Variants in HMMR observed in about 807,000 individuals in gnomAD.
The protein encoded by HMMR is hyaluronan mediated motility receptor, also known as intracellular hyaluronic acid-binding protein.
In HMMR, 108 loss-of-function variants were observed where a neutral mutation model predicts 101.0. That is an observed-to-expected ratio of 1.07 (90% CI 0.92 to 1.25). The LOEUF (loss-of-function observed/expected upper bound fraction) is 1.25. Among genes scored for constraint, HMMR ranks in the 50% most tolerant of loss-of-function variants. The pLI, the probability that HMMR is intolerant of heterozygous loss-of-function variation, is 0.00. For synonymous variants in HMMR, 296 were observed against 276.4 expected, an observed-to-expected ratio of 1.07 and a Z score of -0.70; for missense variants, 813 against 788.7, an observed-to-expected ratio of 1.03 and a Z score of -0.37.
intron 10 of HMMR, among the ~76,000 whole-genome samples, chr5:163,475,017 A>T (rs976725572): frequency 2.0e-5 from 3 of 152,096 alleles, no homozygotes; most frequent in South Asian, 2.1e-4. Flanking sequence ...TAGGGGGGGA[A>T]GTCGTCAAAG....
At chr5:163,462,284 G>A (rs924513537) in intron 1 of HMMR, among the ~76,000 whole-genome samples, 2 of 151,188 alleles carry the variant, frequency 1.3e-5, no homozygotes, top group Admixed American at 1.3e-4. Flanking sequence ...TTAATTTGAT[G>A]CTTAATGTGT....
intron 11 of HMMR, among the ~76,000 whole-genome samples, chr5:163,476,043 T>G (rs183345417): frequency 1.9e-3 from 296 of 152,270 alleles, no homozygotes; most frequent in African/African-American, 6.7e-3. Context: ...CTGGATGTGG[T>G]GGCTGATGCC....
At position 163,467,886 on chromosome 5, in the gene HMMR, A is replaced by T. The variant is rs1324719023; in HGVS notation, c.273+138A>T. On this transcript the variant is annotated intron_variant, in intron 4 of 17. Transcript: ENST00000393915. ...TGCCATCCAGAACAGTGCCTACAGG[A>T]AAACAGTTCTTACAGTATTTCACAG... The T allele has an allele frequency of 1.2e-5, 7 of 577,480 alleles. No individual in the cohort carries two copies. In the East Asian group the frequency reaches 2.4e-4, roughly 20 times the overall value. 35.8% of individuals were successfully genotyped at this position (577,480 alleles called of 1,614,324 possible). A position where few individuals can be genotyped will look rare whatever the true frequency, so the allele number is the denominator to read the frequency against.
chr5:163,480,623 G>A (rs1161307957), intron 12 of HMMR, among the ~76,000 whole-genome samples: 1 of 148,486 alleles, frequency 6.7e-6, no homozygotes, highest in East Asian at 2.0e-4. Flanking sequence ...GTGGGAGTAA[G>A]AATCTACACT....
chr5:163,469,146 C>T (rs924361366), intron 4 of HMMR, among the ~76,000 whole-genome samples: 3 of 151,858 alleles, frequency 2.0e-5, no homozygotes, highest in Admixed American at 6.6e-5. Context: ...GGGTGGATCA[C>T]GAGGTCAGGA....
Position 163,483,030 on chromosome 5 carries a change from G to T in HMMR, c.1543G>T (p.Asp515Tyr), listed in dbSNP as rs758062677. Residue 515 changes from aspartate (D) to tyrosine (Y), a missense_variant, in exon 14 of 18, where the codon GAT becomes TAT. Coordinates refer to ENST00000393915, the MANE Select transcript of HMMR (RefSeq NM_001142556.2). ...TCTCTCAAACCAAAGGATGCTTCTA[G>T]ATCTGCAGACCAAGTCAGCACTAAA... is the stretch of plus-strand genomic sequence containing the variant. Reference protein sequence around the residue: ...SNQEYVRMLLDLQTKSALKET... With the variant: ...SNQEYVRMLLYLQTKSALKET... 8 of 1,600,482 alleles carry T rather than the reference G, an allele frequency of 5.0e-6. No individual in the cohort carries two copies. The highest frequency in any genetic ancestry group is 5.1e-6 in the Non-Finnish European group (6 of 1,176,020).
chr5:163,476,426 A>G (rs557412853), intron 11 of HMMR, among the ~76,000 whole-genome samples: 3 of 152,188 alleles, frequency 2.0e-5, no homozygotes, highest in Non-Finnish European at 4.4e-5. Flanking sequence ...TGTAAGTTAT[A>G]CCTTTAATTA....
At chr5:163,478,574 G>T (rs13183712) in intron 11 of HMMR, 110 bp from the exon 12 acceptor site, 153,251 of 699,182 alleles carry the variant, frequency 0.22, 18,825 homozygotes, top group South Asian at 0.39. Flanking sequence ...GTAATGCAGT[G>T]GTGAAGATAT....
chr5:163,466,566 A>C (rs1758714892), intron 3 of HMMR, among the ~76,000 whole-genome samples: 1 of 152,188 alleles, frequency 6.6e-6, no homozygotes, highest in African/African-American at 2.4e-5. Context: ...TTTTGGAACA[A>C]CTTGAGTATG....
Position 163,473,211 on chromosome 5 carries a change from A to T in HMMR, c.683A>T (p.Lys228Ile). 2 of 1,571,530 alleles carry T rather than the reference A, an allele frequency of 1.3e-6. No homozygotes were observed. Among genetic ancestry groups the T allele is most frequent in the Non-Finnish European group, 8.7e-7 (1 of 1,143,744 alleles). Residue 228 changes from lysine (K) to isoleucine (I), a missense_variant, in exon 8 of 18, where the codon AAA (lysine) becomes ATA (isoleucine). Coordinates refer to ENST00000393915, the MANE Select transcript of HMMR (RefSeq NM_001142556.2). ...VSIEKEKIDE[K>I]SETEKLLEYI... Reference sequence around the variant, plus strand: ...ATAGAGAAAGAAAAGATTGATGAAAAATCTGAAACAGAAAAACTCTTGGAA... The same window carrying T: ...ATAGAGAAAGAAAAGATTGATGAAATATCTGAAACAGAAAAACTCTTGGAA...
intron 9 of HMMR, 74 bp downstream of exon 9, chr5:163,473,631 T>C: frequency 1.2e-6 from 1 of 850,310 alleles, no homozygotes; most frequent in Non-Finnish European, 1.8e-6. Context: ...ACTACTATGC[T>C]AAAACAACCT....
rs1460949138 is a variant in HMMR at position 163,490,437 on chromosome 5, G to T, written c.2010G>T (p.Glu670Asp). Residue 670 changes from glutamate to aspartate, a missense_variant, in exon 17 of 18, where the codon GAG (glutamate) becomes GAT (aspartate). Physicochemically the swap from Glu to Asp is conservative, Grantham distance 45. Coordinates refer to ENST00000393915, the MANE Select transcript of HMMR (RefSeq NM_001142556.2). ...RCQLAKKKQS[E>D]TKLQEELNKV... ...AGCTTGCTAAAAAAAAACAAAGTGA[G>T]ACAAAACTTCAAGAGGAATTGAATA... is the stretch of plus-strand genomic sequence containing the variant. 1 of 1,597,034 alleles carries T rather than the reference G, an allele frequency of 6.3e-7. No individual in the cohort carries two copies.
At chr5:163,490,280 G>T in intron 16 of HMMR, 110 bp from the exon 17 acceptor site, 1 of 650,326 alleles carries the variant, frequency 1.5e-6, no homozygotes. Context: ...TTTTGCTGTT[G>T]AGTGTGATAA....
chr5:163,482,722 G>A lies in HMMR; in HGVS notation c.1466G>A (p.Gly489Glu). 2 of 1,613,782 alleles carry A rather than the reference G, an allele frequency of 1.2e-6. No homozygotes were observed. Among genetic ancestry groups the A allele is most frequent in the Non-Finnish European group, 1.7e-6 (2 of 1,179,772 alleles). The change falls in exon 13 of 18, where the codon GGG (glycine) becomes GAG (glutamate). Residue 489 changes from glycine to glutamate, a missense_variant. By Grantham distance (98) the Gly-to-Glu change is moderately conservative. Transcript: ENST00000393915. ...SSLQEKAAKAGKNAEDVQHQI... is the reference protein window; with the variant it reads ...SSLQEKAAKAEKNAEDVQHQI... ...TTACAGGAAAAAGCGGCCAAGGCTG[G>A]GAAAAATGCAGAGGATGTTCAGCAT... is the stretch of plus-strand genomic sequence containing the variant.
intron 3 of HMMR, 34 bp from the exon 4 acceptor site, chr5:163,467,667 A>T (rs776879767): frequency 1.5e-5 from 20 of 1,292,618 alleles, no homozygotes; most frequent in Admixed American, 5.4e-5. Flanking sequence ...GTGACATCTA[A>T]ATTTGCTTAT....
intron 11 of HMMR, among the ~76,000 whole-genome samples, chr5:163,476,769 C>G (rs1428290097): frequency 6.6e-6 from 1 of 152,202 alleles, no homozygotes; most frequent in East Asian, 1.9e-4. Context: ...GTGGCTCACA[C>G]CTGTAATCCC....
At chr5:163,467,919 C>T (rs929668298) in intron 4 of HMMR, among the ~76,000 whole-genome samples, 171 bp downstream of exon 4, 9 of 152,106 alleles carry the variant, frequency 5.9e-5, no homozygotes, top group Admixed American at 1.3e-4. Flanking sequence ...CAGATCTATC[C>T]GGGCTATGTT....
Position 163,491,187 on chromosome 5 carries a change from A to T in HMMR, c.*23A>T. 2 of 1,361,130 alleles carry T rather than the reference A, an allele frequency of 1.5e-6. No individual in the cohort carries two copies. The highest frequency in any genetic ancestry group is 2.0e-6 in the Non-Finnish European group (2 of 975,788). 84.3% of individuals were successfully genotyped at this position (1,361,130 alleles called of 1,614,324 possible). ...TAAACATCTGAGAAACCTGTTGAAGATTATTTCATTCGTCTTGTTGTTATT... is the reference window on the plus strand; with the variant it reads ...TAAACATCTGAGAAACCTGTTGAAGTTTATTTCATTCGTCTTGTTGTTATT... On this transcript the variant is annotated 3_prime_UTR_variant, in exon 18 of 18. Transcript: ENST00000393915.
intron 2 of HMMR, among the ~76,000 whole-genome samples, chr5:163,464,159 G>C (rs1189898075): frequency 1.3e-5 from 2 of 152,110 alleles, no homozygotes; most frequent in Admixed American, 6.6e-5. Context: ...AATTAAGCAA[G>C]ATACTTATAT....
Sources: allele counts gnomAD v4.1 joint callset (sites outside exome capture counted in the v4.1 genomes callset), GRCh38; gene constraint gnomAD v4.1.1; transcripts MANE v1.5; gene names NCBI Gene and HGNC (gene_info 2026-07-23, HGNC 2026-07-21).